Variants in FAM120C observed in about 807,000 individuals in gnomAD.
FAM120C encodes the protein family with sequence similarity 120 member C.
In FAM120C, 14 loss-of-function variants were observed where a neutral mutation model predicts 71.2. The ratio of observed to expected loss-of-function variants is 0.20; its 90% CI spans 0.13 to 0.31. The LOEUF (loss-of-function observed/expected upper bound fraction) is 0.31. FAM120C is among the 10% of genes least tolerant of loss of function. The pLI is 1.00. For synonymous variants in FAM120C, 354 were observed against 353.2 expected (o/e 1.00, Z -0.03); for missense variants, 500 against 879.0 (o/e 0.57, Z 5.45).
At chrX:54,078,101 G>A (rs782451031) in intron 15 of FAM120C, among the ~76,000 whole-genome samples, 1 of 104,090 alleles carries the variant, frequency 9.6e-6, no homozygotes. Context: ...CCGCTACCAC[G>A]CCCGGCTAAT....
Position 54,072,907 on chromosome X carries a change from G to C in FAM120C, c.*126C>G. 1 of 835,161 alleles carries C rather than the reference G, an allele frequency of 1.2e-6. No individual in the cohort carries two copies. The highest frequency in any genetic ancestry group is 1.7e-6 in the Non-Finnish European group (1 of 598,386). The allele number at this position is 835,161 out of a possible 1,213,427, so 68.8% of individuals were successfully genotyped here. On this transcript the variant is annotated 3_prime_UTR_variant, in exon 16 of 16. Coordinates refer to ENST00000375180, the MANE Select transcript of FAM120C (RefSeq NM_017848.6). Reference sequence around the variant, plus strand: ...GGAAGGGGAAAAGATGGACACAATAGGACATCCCACCAAAATCCTGGAGAA... The same window carrying C: ...GGAAGGGGAAAAGATGGACACAATACGACATCCCACCAAAATCCTGGAGAA...
Position 54,174,753 on chromosome X carries a change from C to A in FAM120C, c.699+7747G>T, listed in dbSNP as rs781902131. ...TCAATGAAAATAAACGAAGTTCTTT[C>A]AAAAAGAAAAGGAAAAAAATGTGTG... On this transcript the variant is annotated intron_variant, in intron 1 of 15. Transcript: ENST00000375180. 6.3e-5 allele frequency among the ~76,000 whole-genome samples: 7 copies of A among 111,690 alleles called. No homozygotes were observed. The South Asian group carries it at 2.6e-3, about 42-fold the overall frequency.
At chrX:54,133,656 CCTT>C in intron 8 of FAM120C, 114 bp downstream of exon 8, 1 of 840,875 alleles carries the variant, frequency 1.2e-6, no homozygotes, top group African/African-American at 2.0e-5. Context: ...CCACATGTGG[CCTT>C]CTTTTTCTAA....
At position 54,135,566 on chromosome X, in the gene FAM120C, G is replaced by C; in HGVS notation, c.1297C>G (p.Arg433Gly). 8.3e-7 allele frequency: 1 copy of C among 1,210,435 alleles called. No homozygotes were observed. The highest frequency in any genetic ancestry group is 1.1e-6 in the Non-Finnish European group (1 of 894,844). The change falls in exon 6 of 16, where the codon CGA becomes GGA. Residue 433 changes from arginine to glycine, a missense_variant. Arg to Gly is a moderately radical substitution (Grantham distance 125). Coordinates refer to ENST00000375180, the MANE Select transcript of FAM120C (RefSeq NM_017848.6). ...GCAGAAATGGTGCCCACTTGATTTCGTGGAAGGGGAGGATTTCCAAGCCTA... is the reference window on the plus strand; with the variant it reads ...GCAGAAATGGTGCCCACTTGATTTCCTGGAAGGGGAGGATTTCCAAGCCTA... Reference protein sequence around the residue: ...NNRLGNPPLPRNQVGTISAGK... With the variant: ...NNRLGNPPLPGNQVGTISAGK...
At position 54,182,809 on chromosome X, in the gene FAM120C, A is replaced by G; in HGVS notation, c.390T>C (p.Tyr130=). The G allele has an allele frequency of 5.0e-6, 6 of 1,200,921 alleles. No homozygotes were observed. Among genetic ancestry groups the G allele is most frequent in the Non-Finnish European group, 6.7e-6 (6 of 890,375 alleles). Residue 130 remains tyrosine (Y), a synonymous_variant, in exon 1 of 16, where the codon TAT becomes TAC. Coordinates refer to ENST00000375180, the MANE Select transcript of FAM120C (RefSeq NM_017848.6). ...VDAGSALPRL[Y]GGYQTDWVCG... ...ACACCCAATCCGTCTGGTAGCCGCC[A>G]TAGAGCCGCGGCAGCGCCGAGCCGG...
intron 10 of FAM120C, among the ~76,000 whole-genome samples, chrX:54,092,467 C>T (rs182657162): frequency 4.9e-4 from 54 of 110,407 alleles, no homozygotes; most frequent in Admixed American, 9.8e-4. Context: ...ATCGCTTAAA[C>T]CTGGGAGGCG....
chrX:54,150,990 CAGGTGTG>C (rs2067182110), intron 4 of FAM120C, among the ~76,000 whole-genome samples: 1 of 111,350 alleles, frequency 9.0e-6, no homozygotes, highest in Non-Finnish European at 1.9e-5. Flanking sequence ...GCTGGGAGTA[CAGGTGTG>C]AGCCACCGTG....
chrX:54,086,537 T>C (rs1275153994), intron 12 of FAM120C, among the ~76,000 whole-genome samples: 1 of 109,948 alleles, frequency 9.1e-6, no homozygotes, highest in Non-Finnish European at 1.9e-5. Flanking sequence ...GTGGATCACC[T>C]GAGGTCAGGA....
At position 54,135,670 on chromosome X, in the gene FAM120C, C is replaced by A. The variant is rs189300832; in HGVS notation, c.1259-66G>T. Reference sequence around the variant, plus strand: ...TAATTTTACCATGTTATATTCTGCTCACCCCATATCACCTGAAAAAGTGTT... The same window carrying A: ...TAATTTTACCATGTTATATTCTGCTAACCCCATATCACCTGAAAAAGTGTT... On this transcript the variant is annotated intron_variant, in intron 5 of 15. Transcript: ENST00000375180. 1.0e-4 allele frequency: 82 copies of A among 816,224 alleles called. No individual in the cohort carries two copies. In the African/African-American group the frequency reaches 1.3e-3, roughly 13 times the overall value. 67.3% of individuals were successfully genotyped at this position (816,224 alleles called of 1,213,427 possible).
At chrX:54,163,936 A>AT (rs1242995480) in intron 1 of FAM120C, among the ~76,000 whole-genome samples, 6 of 105,989 alleles carry the variant, frequency 5.7e-5, no homozygotes, top group African/African-American at 2.1e-4. Flanking sequence ...ATATATATAT[A>AT]TATTTTTTTT....
intron 4 of FAM120C, among the ~76,000 whole-genome samples, 169 bp from the exon 5 acceptor site, chrX:54,136,759 A>T (rs1351976392): frequency 1.8e-5 from 2 of 110,551 alleles, no homozygotes; most frequent in Admixed American, 1.9e-4. Flanking sequence ...AAGCATTATG[A>T]AACATCAAAT....
Position 54,070,112 on chromosome X carries a change from A to AG in FAM120C, c.*2920dup, listed in dbSNP as rs2066703373. On this transcript the variant is annotated 3_prime_UTR_variant, in exon 16 of 16. Transcript: ENST00000375180. ...CACAATTTGTCCTCCAATTAGAAAA[A>AG]GTTCATCTCCCTGTAATGAACCTTA... 1 of 112,084 alleles carries AG rather than the reference A, an allele frequency of 8.9e-6. No individual in the cohort carries two copies. The highest frequency in any genetic ancestry group is 1.9e-5 in the Non-Finnish European group (1 of 53,218). The allele number at this position is 112,084 out of a possible 1,213,427, so 9.2% of individuals were successfully genotyped here.
intron 5 of FAM120C, 63 bp downstream of exon 5, chrX:54,136,428 C>T: frequency 1.2e-6 from 1 of 824,195 alleles, no homozygotes; most frequent in South Asian, 2.1e-5. Flanking sequence ...CCCTGGAGTT[C>T]CTGAGGGACC....
chrX:54,090,996 A>T (rs2066821380), intron 11 of FAM120C, among the ~76,000 whole-genome samples: 1 of 111,768 alleles, frequency 8.9e-6, no homozygotes, highest in African/African-American at 3.2e-5. Context: ...GAGTAAATAG[A>T]CACAAGCAGG....
intron 15 of FAM120C, 113 bp from the exon 16 acceptor site, chrX:54,073,400 G>T: frequency 1.4e-6 from 1 of 731,235 alleles, no homozygotes; most frequent in Non-Finnish European, 1.9e-6. Flanking sequence ...AAAAACACCA[G>T]AAGACCTCAA....
In FAM120C at chrX:54,087,929, A is replaced by G. The variant is rs782033098; in HGVS notation, c.2463T>C (p.Ala821=). ...TGTCGACTCCACTCATGAAGAGGGC[A>G]GCAAGCTGGATCCCTCGGGCATCCA... ...EKLDARGIQL[A]ALFMSGVDTA... The change falls in exon 12 of 16, where the codon GCT becomes GCC. Residue 821 remains alanine (A), a synonymous_variant. Coordinates refer to ENST00000375180, the MANE Select transcript of FAM120C (RefSeq NM_017848.6). 1.7e-5 allele frequency: 20 copies of G among 1,211,693 alleles called. No individual in the cohort carries two copies. Among genetic ancestry groups the G allele is most frequent in the Non-Finnish European group, 2.2e-5 (20 of 895,352 alleles).
intron 5 of FAM120C, among the ~76,000 whole-genome samples, 166 bp downstream of exon 5, chrX:54,136,323 CTT>C (rs1557130550): frequency 8.9e-6 from 1 of 111,977 alleles, no homozygotes; most frequent in Non-Finnish European, 1.9e-5. Flanking sequence ...TGTTACGTCT[CTT>C]ATGACACAGA....
intron 1 of FAM120C, among the ~76,000 whole-genome samples, chrX:54,170,353 G>A (rs782585497): frequency 2.7e-5 from 3 of 110,544 alleles, no homozygotes; most frequent in South Asian, 3.9e-4. Context: ...GGCTGGTCTC[G>A]AACTCCTGAC....
chrX:54,137,474 A>T (rs2067100604), intron 4 of FAM120C, among the ~76,000 whole-genome samples: 1 of 111,272 alleles, frequency 9.0e-6, no homozygotes, highest in Admixed American at 9.6e-5. Flanking sequence ...TCCTGCTTTT[A>T]TAATAATAAT....
Sources: gnomAD v4.1 joint callset for allele counts (sites outside exome capture counted in the v4.1 genomes callset) on GRCh38, gnomAD v4.1.1 for gene constraint, MANE v1.5 for transcripts, NCBI Gene and HGNC (gene_info 2026-07-23, HGNC 2026-07-21) for gene names.